The following VPS13A variants were observed in gnomAD, a reference collection of about 807,000 sequenced individuals.
VPS13A encodes vacuolar protein sorting 13 homolog A, also known as intermembrane lipid transfer protein VPS13A.
Under a neutral mutation model 390.9 loss-of-function variants are expected in VPS13A, and 264 were observed. The ratio of observed to expected loss-of-function variants is 0.68; its 90% CI spans 0.61 to 0.75. The LOEUF is 0.75. VPS13A is among the 30% of genes least tolerant of loss of function. The pLI, the probability that VPS13A is intolerant of heterozygous loss-of-function variation, is 0.00. For missense variants in VPS13A, 3,409 were observed against 3,733.9 expected, an observed-to-expected ratio of 0.91 and a Z score of 2.27; for synonymous variants, 1,231 against 1,227.1, an observed-to-expected ratio of 1.00 and a Z score of -0.07.
chr9:77,177,640 C>A lies in VPS13A; in HGVS notation c.-65C>A. On this transcript the variant is annotated 5_prime_UTR_variant, in exon 1 of 72. Coordinates refer to ENST00000360280, the MANE Select transcript of VPS13A (RefSeq NM_033305.3). The stretch of plus-strand genomic sequence containing the variant: ...GAACCGAATTACCTCGAGGGAGGGG[C>A]GTGGGGAAGGCGGCGGGAGGAGGAG... The A allele has an allele frequency of 6.9e-7, 1 of 1,441,662 alleles. No individual in the cohort carries two copies. Among genetic ancestry groups the A allele is most frequent in the Non-Finnish European group, 9.7e-7 (1 of 1,033,530 alleles). 89.3% of individuals were successfully genotyped at this position (1,441,662 alleles called of 1,614,324 possible).
chr9:77,297,602 C>G (rs1296966138), intron 33 of VPS13A, among the ~76,000 whole-genome samples: 1 of 150,942 alleles, frequency 6.6e-6, no homozygotes, highest in Non-Finnish European at 1.5e-5. Flanking sequence ...TTGTTTCAAG[C>G]AGGAGTGTTA....
In VPS13A at chr9:77,318,505, C is replaced by T. The variant is rs182495915; in HGVS notation, c.5227C>T (p.Pro1743Ser). ...GGCTGGAATTGGTCATAGAACAGTA[C>T]CTATGCTTCTGGCAAAGTCACGTTT... ...LEAGIGHRTV[P>S]MLLAKSRFSG... Residue 1743 changes from proline to serine, a missense_variant, in exon 41 of 72, where the codon CCT becomes TCT. This residue lies in a region of VPS13A where 2,717 missense variants were observed against 2,917.4 expected (regional missense o/e 0.93). Transcript: ENST00000360280. The T allele has an allele frequency of 1.1e-4, 172 of 1,613,862 alleles. 1 individual carries two copies. The East Asian group carries it at 2.6e-3, about 24-fold the overall frequency.
rs146299716 is a variant in VPS13A, at chr9:77,205,521, A to G, written c.283+113A>G. 1,134 of 436,978 alleles carry G rather than the reference A, an allele frequency of 2.6e-3. 9 individuals are homozygous for G. Among genetic ancestry groups the G allele is most frequent in the African/African-American group, 0.021 (1,033 of 48,546 alleles). The allele number at this position is 436,978 out of a possible 1,614,324, so 27.1% of individuals were successfully genotyped here. ...TTTGAGATTTTAATATTTAAATTTG[A>G]TATTTGTTAATTCAAATTAAATTGG... On this transcript the variant is annotated intron_variant, in intron 4 of 71. Transcript: ENST00000360280.
At position 77,281,914 on chromosome 9, in the gene VPS13A, A is replaced by G; in HGVS notation, c.2952A>G (p.Leu984=). The change falls in exon 28 of 72, where the codon TTA becomes TTG. Residue 984 remains leucine, a synonymous_variant. Coordinates refer to ENST00000360280, the MANE Select transcript of VPS13A (RefSeq NM_033305.3). ...TGAAAAGTACCTATAACAATGTTTT[A>G]CAATTGATTAAGGTATGAGTAGATA... ...PDLKSTYNNV[L]QLIKVNFSSL... 1.3e-6 allele frequency: 2 copies of G among 1,589,824 alleles called. No individual in the cohort carries two copies. The highest frequency in any genetic ancestry group is 1.7e-6 in the Non-Finnish European group (2 of 1,159,442).
chr9:77,359,704 A>G (rs1489270845), intron 58 of VPS13A, among the ~76,000 whole-genome samples: 1 of 151,520 alleles, frequency 6.6e-6, no homozygotes, highest in African/African-American at 2.4e-5. Context: ...CAGAGTCCCA[A>G]CTACTCAGGA....
chr9:77,351,863 G>A (rs1264775869), intron 53 of VPS13A, among the ~76,000 whole-genome samples: 8 of 151,964 alleles, frequency 5.3e-5, no homozygotes, highest in Admixed American at 3.3e-4. Context: ...GCAAGACTCC[G>A]TCTCAAAAAA....
At chr9:77,268,314 G>A (rs1319683875) in intron 23 of VPS13A, among the ~76,000 whole-genome samples, 2 of 152,164 alleles carry the variant, frequency 1.3e-5, no homozygotes, top group East Asian at 3.9e-4. Flanking sequence ...TGCCGGTTGC[G>A]AAGACTGTGG....
At chr9:77,266,657 A>G (rs1372893936) in intron 23 of VPS13A, among the ~76,000 whole-genome samples, 1 of 151,858 alleles carries the variant, frequency 6.6e-6, no homozygotes, top group African/African-American at 2.4e-5. Context: ...GCTCTTATTG[A>G]GGAATGTCTT....
intron 59 of VPS13A, among the ~76,000 whole-genome samples, chr9:77,364,155 G>A (rs1269379502): frequency 6.6e-6 from 1 of 152,146 alleles, no homozygotes; most frequent in Non-Finnish European, 1.5e-5. Flanking sequence ...GCCAAGTACG[G>A]TGGCTCACGC....
At chr9:77,321,097 G>A in intron 42 of VPS13A, 72 bp from the exon 43 acceptor site, 1 of 1,335,152 alleles carries the variant, frequency 7.5e-7, no homozygotes, top group Non-Finnish European at 1.1e-6. Context: ...TTCTAATGTT[G>A]GTATTGGGAT....
intron 13 of VPS13A, among the ~76,000 whole-genome samples, chr9:77,224,661 A>G (rs887106127): frequency 1.1e-4 from 16 of 152,226 alleles, no homozygotes; most frequent in African/African-American, 3.9e-4. Flanking sequence ...GAGCAAAGAA[A>G]GTGGTTTCTT....
chr9:77,313,517 A>T (rs72618115), intron 35 of VPS13A, among the ~76,000 whole-genome samples: 29,689 of 152,132 alleles, frequency 0.2, 3,742 homozygotes, highest in East Asian at 0.38. Flanking sequence ...CTCATTTAAT[A>T]TGTGCATATA....
At chr9:77,218,417 G>A (rs1038488883) in intron 10 of VPS13A, among the ~76,000 whole-genome samples, 2 of 152,134 alleles carry the variant, frequency 1.3e-5, no homozygotes, top group Non-Finnish European at 1.5e-5. Flanking sequence ...CCAGCCCTTT[G>A]CCCACTTTTT....
chr9:77,179,545 C>T (rs936474170), intron 1 of VPS13A, among the ~76,000 whole-genome samples: 3 of 152,144 alleles, frequency 2.0e-5, no homozygotes, highest in African/African-American at 7.2e-5. Context: ...AAGTATTTAT[C>T]TGTTTGCTGG....
At chr9:77,322,292 T>C (rs1829792017) in intron 44 of VPS13A, among the ~76,000 whole-genome samples, 1 of 151,890 alleles carries the variant, frequency 6.6e-6, no homozygotes, top group Non-Finnish European at 1.5e-5. Context: ...AGGTGAAATA[T>C]ATACATTCTT....
chr9:77,261,228 A>T (rs186552659), intron 23 of VPS13A, among the ~76,000 whole-genome samples: 1 of 152,258 alleles, frequency 6.6e-6, no homozygotes, highest in Non-Finnish European at 1.5e-5. Flanking sequence ...AATTAAATGA[A>T]ATCATTATAC....
Position 77,318,395 on chromosome 9 carries a change from CTG to C in VPS13A, c.5118_5119del (p.Glu1707LysfsTer7). On this transcript the variant is annotated frameshift_variant, in exon 41 of 72. Coordinates refer to ENST00000360280, the MANE Select transcript of VPS13A (RefSeq NM_033305.3). LOFTEE classifies it high-confidence loss of function. ...TGGTTTCTTGAAGAATCAAATGAAACTGAAAAAATAGCTCCCACAACTGAATT... is the reference window on the plus strand; with the variant it reads ...TGGTTTCTTGAAGAATCAAATGAAACAAAAAATAGCTCCCACAACTGAATT... 6.2e-7 allele frequency: 1 copy of C among 1,613,738 alleles called. No homozygotes were observed. The highest frequency in any genetic ancestry group is 8.5e-7 in the Non-Finnish European group (1 of 1,179,860).
chr9:77,367,189 T>C (rs565393263), intron 61 of VPS13A, among the ~76,000 whole-genome samples: 1 of 152,218 alleles, frequency 6.6e-6, no homozygotes, highest in African/African-American at 2.4e-5. Context: ...CTGAAATGTA[T>C]GGATTTGAAG....
At chr9:77,189,315 G>T (rs1824535854) in intron 1 of VPS13A, among the ~76,000 whole-genome samples, 1 of 151,942 alleles carries the variant, frequency 6.6e-6, no homozygotes, top group Admixed American at 6.6e-5. Context: ...TCCAGTTTCA[G>T]TCTTCTGCAT....
Sources: gnomAD v4.1 joint callset for allele counts (sites outside exome capture counted in the v4.1 genomes callset) on GRCh38, gnomAD v4.1.1 for gene constraint, gnomAD v4.1.1 regional missense constraint, MANE v1.5 for transcripts, NCBI Gene and HGNC (gene_info 2026-07-23, HGNC 2026-07-21) for gene names.